PLP1: variants seen among roughly 807,000 people sequenced by gnomAD.
PLP1 encodes proteolipid protein 1, also known as myelin proteolipid protein.
In PLP1, 2 loss-of-function variants were observed where a neutral mutation model predicts 18.5. The observed-to-expected ratio is 0.11, with a 90% CI of 0.04 to 0.34. The LOEUF (loss-of-function observed/expected upper bound fraction) is 0.34, where lower values mean the gene tolerates loss of function less well. PLP1 is among the 10% of genes least tolerant of loss of function. The pLI, the probability that PLP1 is intolerant of heterozygous loss-of-function variation, is 1.00. For synonymous variants in PLP1, 86 were observed against 83.2 expected, an observed-to-expected ratio of 1.03 and a Z score of -0.19; for missense variants, 105 against 207.3, an observed-to-expected ratio of 0.51 and a Z score of 3.03.
Position 103,776,920 on chromosome X carries a change from A to G in PLP1, c.-76A>G, listed in dbSNP as rs746504643. ...GAAGAAGGAGGCTGGAGAGACCAGG[A>G]TCCTTCCAGCTGAACAAAGTCAGCC... On this transcript the variant is annotated 5_prime_UTR_variant, in exon 1 of 7. Coordinates refer to ENST00000621218, the MANE Select transcript of PLP1 (RefSeq NM_000533.5). 2.5e-5 allele frequency: 25 copies of G among 990,060 alleles called. No individual in the cohort carries two copies. In the African/African-American group the frequency reaches 3.6e-4, roughly 14 times the overall value. 81.6% of individuals were successfully genotyped at this position (990,060 alleles called of 1,213,427 possible).
chrX:103,790,082 TAC>T (rs2074532005), intron 6 of PLP1, among the ~76,000 whole-genome samples: 1 of 112,200 alleles, frequency 8.9e-6, no homozygotes, highest in African/African-American at 3.2e-5. Context: ...GAGGTTTCCA[TAC>T]AGAGTCAAGT....
Position 103,790,638 on chromosome X carries a change from T to A in PLP1, c.*40T>A. On this transcript the variant is annotated 3_prime_UTR_variant, in exon 7 of 7. Coordinates refer to ENST00000621218, the MANE Select transcript of PLP1 (RefSeq NM_000533.5). ...CCCCCTTTCTCTAATAGCGAGGCTC[T>A]AACCACACAGCCTACAATGCTGCGT... is the stretch of plus-strand genomic sequence containing the variant. 2.0e-6 allele frequency: 2 copies of A among 987,865 alleles called. No individual in the cohort carries two copies. Among genetic ancestry groups the A allele is most frequent in the Non-Finnish European group, 2.9e-6 (2 of 690,996 alleles). 81.4% of individuals were successfully genotyped at this position (987,865 alleles called of 1,213,427 possible).
At chrX:103,778,993 C>A (rs2074431970) in intron 1 of PLP1, among the ~76,000 whole-genome samples, 1 of 112,152 alleles carries the variant, frequency 8.9e-6, no homozygotes, top group Admixed American at 9.5e-5. Context: ...CCTCCAGGAA[C>A]AGGGAACTTA....
chrX:103,786,443 G>A (rs1388892523), intron 2 of PLP1, 22 bp from the exon 3 acceptor site: 10 of 1,202,212 alleles, frequency 8.3e-6, no homozygotes, highest in East Asian at 5.9e-5. Flanking sequence ...CCCTGGTCTC[G>A]TTTGTCTACC....
In PLP1 at chrX:103,786,529, C is replaced by A. The variant is rs1416305526; in HGVS notation, c.256C>A (p.Leu86Met). 8.3e-7 allele frequency: 1 copy of A among 1,209,125 alleles called. No homozygotes were observed. The highest frequency in any genetic ancestry group is 2.2e-5 in the Admixed American group (1 of 46,021). The change falls in exon 3 of 7, where the codon CTG (leucine) becomes ATG (methionine). Residue 86 changes from leucine (L) to methionine (M), a missense_variant. Coordinates refer to ENST00000621218, the MANE Select transcript of PLP1 (RefSeq NM_000533.5). ...ASFFFLYGAL[L>M]LAEGFYTTGA... ...TTTCTTCTTCCTTTATGGGGCCCTC[C>A]TGCTGGCTGAGGGCTTCTACACCAC... is the stretch of plus-strand genomic sequence containing the variant.
intron 1 of PLP1, among the ~76,000 whole-genome samples, chrX:103,783,389 T>G (rs1215416138): frequency 8.9e-6 from 1 of 112,579 alleles, no homozygotes; most frequent in African/African-American, 3.2e-5. Flanking sequence ...CTGGCAGCAA[T>G]GCTTTAGTTC....
rs1324241919 is a variant in PLP1 at position 103,785,716 on chromosome X, A to C, written c.139A>C (p.Ile47Leu). The change falls in exon 2 of 7, where the codon ATT (isoleucine) becomes CTT (leucine). Residue 47 changes from isoleucine (I) to leucine (L), a missense_variant. Ile to Leu is a conservative substitution (Grantham distance 5). Coordinates refer to ENST00000621218, the MANE Select transcript of PLP1 (RefSeq NM_000533.5). ...AGCCCTCACTGGCACAGAAAAGCTAATTGAGACCTATTTCTCCAAAAACTA... is the reference window on the plus strand; with the variant it reads ...AGCCCTCACTGGCACAGAAAAGCTACTTGAGACCTATTTCTCCAAAAACTA... The part of the protein sequence containing the change: ...HEALTGTEKL[I>L]ETYFSKNYQD... The C allele has an allele frequency of 8.3e-7, 1 of 1,210,285 alleles. No homozygotes were observed. The highest frequency in any genetic ancestry group is 2.2e-5 in the Admixed American group (1 of 46,057).
chrX:103,790,856 A>G lies in PLP1; in HGVS notation c.*258A>G, dbSNP rs2147769728. The G allele has an allele frequency of 5.1e-6, 2 of 390,654 alleles. No individual in the cohort carries two copies. Among genetic ancestry groups the G allele is most frequent in the Non-Finnish European group, 9.0e-6 (2 of 222,449 alleles). 32.2% of individuals were successfully genotyped at this position (390,654 alleles called of 1,213,427 possible). A position where few individuals can be genotyped will look rare whatever the true frequency, so the allele number is the denominator to read the frequency against. On this transcript the variant is annotated 3_prime_UTR_variant, in exon 7 of 7. Coordinates refer to ENST00000621218, the MANE Select transcript of PLP1 (RefSeq NM_000533.5). ...AAATGCCTAAGAAGATGACTTCCCA[A>G]CTGCAAGTCACAAAGGAATGGAGGC...
At chrX:103,785,151 C>T (rs1243098433) in intron 1 of PLP1, among the ~76,000 whole-genome samples, 3 of 110,939 alleles carry the variant, frequency 2.7e-5, no homozygotes, top group Non-Finnish European at 3.8e-5. Context: ...TCTTGGCTCA[C>T]GGCAACCTCC....
At position 103,790,692 on chromosome X, in the gene PLP1, C is replaced by T. The variant is rs939389339; in HGVS notation, c.*94C>T. 2 of 648,307 alleles carry T rather than the reference C, an allele frequency of 3.1e-6. No individual in the cohort carries two copies. The highest frequency in any genetic ancestry group is 2.2e-5 in the African/African-American group (1 of 46,214). 53.4% of individuals were successfully genotyped at this position (648,307 alleles called of 1,213,427 possible). On this transcript the variant is annotated 3_prime_UTR_variant, in exon 7 of 7. Coordinates refer to ENST00000621218, the MANE Select transcript of PLP1 (RefSeq NM_000533.5). ...CCATCTTAACTCTTTGCCTTTGCCA[C>T]CAACTGGCCCTCTTCTTACTTGATG...
At chrX:103,776,776 A>T, upstream of PLP1, 2 of 345,314 alleles carry the variant, frequency 5.8e-6, no homozygotes, top group Non-Finnish European at 1.0e-5. Flanking sequence ...AGGAGAAGGG[A>T]GGAGGAGAGG....
At chrX:103,786,334 GT>G in intron 2 of PLP1, 130 bp from the exon 3 acceptor site, 4 of 1,032,643 alleles carry the variant, frequency 3.9e-6, no homozygotes, top group Non-Finnish European at 5.4e-6. Context: ...GAGGAACCTG[GT>G]GATTCCTCTA....
chrX:103,792,400 AATAAC>A lies in PLP1; in HGVS notation c.*1809_*1813del, dbSNP rs1229815541. On this transcript the variant is annotated 3_prime_UTR_variant, in exon 7 of 7. Transcript: ENST00000621218. ...CGTACCTTGTGTTTTGTTTTGATTT[AATAAC>A]ATAACAAATAACCAACCCTTCCCTG... The A allele has an allele frequency of 3.6e-5, 4 of 112,599 alleles. No individual in the cohort carries two copies. The East Asian group carries it at 1.1e-3, about 31-fold the overall frequency. The allele number at this position is 112,599 out of a possible 1,213,427, so 9.3% of individuals were successfully genotyped here. A position where few individuals can be genotyped will look rare whatever the true frequency, so the allele number is the denominator to read the frequency against.
At chrX:103,779,731 TAAC>T (rs1281154073) in intron 1 of PLP1, 1 of 111,580 alleles carries the variant, frequency 9.0e-6, no homozygotes, top group Non-Finnish European at 1.9e-5. Flanking sequence ...ATCTGAGTAA[TAAC>T]AACCTCAACC....
At chrX:103,782,837 C>T (rs1449849635) in intron 1 of PLP1, among the ~76,000 whole-genome samples, 1 of 111,782 alleles carries the variant, frequency 8.9e-6, no homozygotes, top group Non-Finnish European at 1.9e-5. Flanking sequence ...ACCAATCAGG[C>T]TCCTGAGATC....
chrX:103,787,746 T>C (rs1288490604), intron 3 of PLP1, 52 bp from the exon 4 acceptor site: 2 of 1,064,013 alleles, frequency 1.9e-6, no homozygotes, highest in Non-Finnish European at 2.6e-6. Context: ...TTTGTGTTTC[T>C]ACATCTGCAG....
rs927950318 is a variant in PLP1, at chrX:103,790,676, C to G, written c.*78C>G. On this transcript the variant is annotated 3_prime_UTR_variant, in exon 7 of 7. Coordinates refer to ENST00000621218, the MANE Select transcript of PLP1 (RefSeq NM_000533.5). ...TACAATGCTGCGTCTCCCATCTTAACTCTTTGCCTTTGCCACCAACTGGCC... is the reference window on the plus strand; with the variant it reads ...TACAATGCTGCGTCTCCCATCTTAAGTCTTTGCCTTTGCCACCAACTGGCC... 3 of 770,571 alleles carry G rather than the reference C, an allele frequency of 3.9e-6. No homozygotes were observed. Among genetic ancestry groups the G allele is most frequent in the Non-Finnish European group, 6.1e-6 (3 of 492,748 alleles). The allele number at this position is 770,571 out of a possible 1,213,427, so 63.5% of individuals were successfully genotyped here.
chrX:103,780,473 G>A (rs1161574526), intron 1 of PLP1, among the ~76,000 whole-genome samples: 8 of 110,211 alleles, frequency 7.3e-5, no homozygotes, highest in Middle Eastern at 4.7e-3. Context: ...GTGTGTGCGC[G>A]TCTGAAGAGG....
At chrX:103,777,922 T>C (rs779202774) in intron 1 of PLP1, among the ~76,000 whole-genome samples, 4 of 112,530 alleles carry the variant, frequency 3.6e-5, no homozygotes, top group Non-Finnish European at 5.6e-5. Flanking sequence ...AGTTGCCCCA[T>C]GTATTCCCTA....
Sources: gnomAD v4.1 joint callset for allele counts (sites outside exome capture counted in the v4.1 genomes callset) on GRCh38, gnomAD v4.1.1 for gene constraint, MANE v1.5 for transcripts, NCBI Gene and HGNC (gene_info 2026-07-23, HGNC 2026-07-21) for gene names.